SPRY3: variants seen among roughly 807,000 people sequenced by gnomAD.
SPRY3 encodes the protein protein sprouty homolog 3.
Under a neutral mutation model 20.2 loss-of-function variants are expected in SPRY3, and 15 were observed. That is an observed-to-expected ratio of 0.74 (90% CI 0.50 to 1.14). The LOEUF (loss-of-function observed/expected upper bound fraction) is 1.14, where lower values mean the gene tolerates loss of function less well. Ranked by LOEUF, SPRY3 falls within the 50% of genes most tolerant of loss-of-function variation. The pLI is 0.00. For synonymous variants in SPRY3, 143 were observed against 136.5 expected (o/e 1.05, Z -0.33); for missense variants, 364 against 363.9 (o/e 1.00, Z 0.00).
chrX:155,767,001 A>G (rs2091335102), intron 2 of SPRY3, among the ~76,000 whole-genome samples: 2 of 152,072 alleles, frequency 1.3e-5, no homozygotes, highest in Admixed American at 6.5e-5. Flanking sequence ...GGCTGAGTAG[A>G]TTGGTAGAAA....
chrX:155,728,605 G>A (rs967404765), intron 2 of SPRY3, among the ~76,000 whole-genome samples: 1 of 152,210 alleles, frequency 6.6e-6, no homozygotes, highest in Non-Finnish European at 1.5e-5. Context: ...GTGGGCATGG[G>A]AACTGCCAAG....
chrX:155,749,029 T>C (rs887280254), intron 2 of SPRY3, among the ~76,000 whole-genome samples: 43 of 151,878 alleles, frequency 2.8e-4, no homozygotes, highest in African/African-American at 9.9e-4. Context: ...AAGTGAACTA[T>C]ATGGATAAAT....
At chrX:155,628,581 T>C (rs1557350159) in intron 1 of SPRY3, among the ~76,000 whole-genome samples, 16 of 112,348 alleles carry the variant, frequency 1.4e-4, no homozygotes, top group Non-Finnish European at 3.8e-5. Flanking sequence ...AATCTCAACA[T>C]CACTGATCAT....
intron 2 of SPRY3, among the ~76,000 whole-genome samples, chrX:155,725,730 T>C (rs747098582): frequency 3.3e-5 from 5 of 152,286 alleles, no homozygotes; most frequent in African/African-American, 9.6e-5. Flanking sequence ...TTAGTCTTGC[T>C]AGCGGTCTGT....
At chrX:155,724,859 A>C (rs1245524868) in intron 2 of SPRY3, among the ~76,000 whole-genome samples, 1 of 152,100 alleles carries the variant, frequency 6.6e-6, no homozygotes, top group Non-Finnish European at 1.5e-5. Context: ...CACTATGTTG[A>C]GTAGGAGTGG....
intron 2 of SPRY3, among the ~76,000 whole-genome samples, chrX:155,667,049 A>G (rs1255821198): frequency 2.7e-5 from 3 of 111,673 alleles, no homozygotes; most frequent in African/African-American, 9.7e-5. Flanking sequence ...ACGAGATTTT[A>G]TAAGTGTAAA....
At chrX:155,776,127 T>C (rs1267849529) in exon 4 of SPRY3, 1 of 167,100 alleles carries the variant, frequency 6.0e-6, no homozygotes, top group African/African-American at 2.4e-5. Flanking sequence ...CCATTCCCAT[T>C]CAATTACTTT....
In SPRY3 at chrX:155,627,625, C is replaced by T. The variant is rs781973658; in HGVS notation, c.-441+14978C>T. Among the ~76,000 whole-genome samples the T allele has an allele frequency of 6.3e-5, 7 of 110,908 alleles. No homozygotes were observed. The South Asian group carries it at 2.7e-3, about 43-fold the overall frequency. ...GGATATATACCCAATAGTGGGATTGCTGGATCATAAGCTAGTTCTTTTTTA... is the reference window on the plus strand; with the variant it reads ...GGATATATACCCAATAGTGGGATTGTTGGATCATAAGCTAGTTCTTTTTTA... On this transcript the variant is annotated intron_variant, in intron 1 of 3. Transcript: ENST00000675360.
intron 2 of SPRY3, among the ~76,000 whole-genome samples, chrX:155,663,003 G>A (rs896904542): frequency 2.7e-5 from 3 of 111,931 alleles, no homozygotes; most frequent in Non-Finnish European, 5.6e-5. Context: ...TACATAAAAA[G>A]GCTATTTGTG....
At chrX:155,678,845 A>C (rs985092289) in intron 2 of SPRY3, among the ~76,000 whole-genome samples, 1 of 112,249 alleles carries the variant, frequency 8.9e-6, no homozygotes, top group African/African-American at 3.2e-5. Flanking sequence ...TTTCAATGAA[A>C]ATTAGAGTAT....
chrX:155,619,525 C>T (rs1388666364), intron 1 of SPRY3, among the ~76,000 whole-genome samples: 1 of 110,495 alleles, frequency 9.1e-6, no homozygotes, highest in Non-Finnish European at 1.9e-5. Flanking sequence ...CTACCTCATA[C>T]CATAAAAAAA....
intron 2 of SPRY3, among the ~76,000 whole-genome samples, chrX:155,732,673 C>T (rs138428766): frequency 0.03 from 4,475 of 150,486 alleles, 83 homozygotes; most frequent in Non-Finnish European, 0.043. Context: ...GAAAAGAAAT[C>T]AGTATATTGA....
At chrX:155,631,610 T>A (rs2067906697) in intron 1 of SPRY3, among the ~76,000 whole-genome samples, 1 of 112,531 alleles carries the variant, frequency 8.9e-6, no homozygotes, top group African/African-American at 3.2e-5. Context: ...TAGCATCTGC[T>A]GTTTTTTTGA....
intron 2 of SPRY3, among the ~76,000 whole-genome samples, chrX:155,703,722 G>T (rs1372451887): frequency 6.7e-6 from 1 of 149,488 alleles, no homozygotes; most frequent in African/African-American, 2.5e-5. Flanking sequence ...TGTCAATTTT[G>T]GATCTTTCCT....
chrX:155,706,483 G>C (rs950891619), intron 2 of SPRY3, among the ~76,000 whole-genome samples: 9 of 150,174 alleles, frequency 6.0e-5, no homozygotes, highest in Non-Finnish European at 9.0e-5. Flanking sequence ...CAGAAGAAAG[G>C]AAATAATAAA....
At chrX:155,758,458 C>A (rs1370513010) in intron 2 of SPRY3, among the ~76,000 whole-genome samples, 1 of 152,188 alleles carries the variant, frequency 6.6e-6, no homozygotes, top group Admixed American at 6.5e-5. Flanking sequence ...ATAATTATCT[C>A]CATCCCCATA....
intron 1 of SPRY3, among the ~76,000 whole-genome samples, chrX:155,638,326 A>G (rs868934986): frequency 0.012 from 16 of 1,351 alleles, no homozygotes; most frequent in South Asian, 0.059. Flanking sequence ...ATATATATAT[A>G]TATATATATA....
chrX:155,774,513 G>C, exon 4 of SPRY3: 1 of 1,613,966 alleles, frequency 6.2e-7, no homozygotes, highest in Non-Finnish European at 8.5e-7. Flanking sequence ...GCTCTTGTGG[G>C]CCTAGTTCTT....
chrX:155,623,217 A>G (rs1326540304), intron 1 of SPRY3, among the ~76,000 whole-genome samples: 8 of 111,888 alleles, frequency 7.2e-5, no homozygotes, highest in Admixed American at 4.7e-4. Flanking sequence ...AGTAAATAAT[A>G]TATTCAGATT....
Sources: gnomAD v4.1 joint callset for allele counts (sites outside exome capture counted in the v4.1 genomes callset) on GRCh38, gnomAD v4.1.1 for gene constraint, MANE v1.5 for transcripts, NCBI Gene and HGNC (gene_info 2026-07-23, HGNC 2026-07-21) for gene names.